RASA1: variants seen among roughly 807,000 people sequenced by gnomAD.
RASA1 encodes RAS p21 protein activator 1, also known as ras GTPase-activating protein 1.
Under a neutral mutation model 132.2 loss-of-function variants are expected in RASA1, and 25 were observed. That is an observed-to-expected ratio of 0.19 (90% confidence interval 0.14 to 0.26). The LOEUF is 0.26. Among genes scored for constraint, RASA1 ranks in the 10% least tolerant of loss-of-function variants. The pLI is 1.00. For synonymous variants in RASA1, 477 were observed against 449.9 expected, an observed-to-expected ratio of 1.06 and a Z score of -0.76; for missense variants, 964 against 1,299.2, an observed-to-expected ratio of 0.74 and a Z score of 3.97.
rs148390516 is a variant in RASA1, at chr5:87,369,343, AGAT to A, written c.1611-465_1611-463del. On this transcript the variant is annotated intron_variant, in intron 11 of 24. Coordinates refer to ENST00000274376, the MANE Select transcript of RASA1 (RefSeq NM_002890.3). ...CTCTAGAACAAGCATATGTATGAAG[AGAT>A]GATGTTTCCATTTTAACAGGTGAAG... Among the ~76,000 whole-genome samples the A allele has an allele frequency of 1.2e-3, 190 of 152,322 alleles. 1 individual carries two copies. The highest frequency in any genetic ancestry group is 4.3e-3 in the African/African-American group (180 of 41,580).
Position 87,268,568 on chromosome 5 carries a change from C to T in RASA1, c.117C>T (p.Pro39=). 6.2e-7 allele frequency: 1 copy of T among 1,607,302 alleles called. No homozygotes were observed. The highest frequency in any genetic ancestry group is 8.5e-7 in the Non-Finnish European group (1 of 1,177,922). Residue 39 remains proline, a synonymous_variant, in exon 1 of 25, where the codon CCC becomes CCT. Transcript: ENST00000274376. ...CCGCAGTGTGTCGGGTGAAGATACC[C>T]GCGGCCCTGCCTGTGGCAGCCGCCC... ...AYPAVCRVKI[P]AALPVAAAPY... is the part of the protein sequence containing the mutation.
At chr5:87,338,338 G>A (rs546574351) in intron 5 of RASA1, among the ~76,000 whole-genome samples, 1 of 150,556 alleles carries the variant, frequency 6.6e-6, no homozygotes. Flanking sequence ...ATTAACATTT[G>A]TGTTTTCTTT....
rs763203367 is a variant in RASA1, at chr5:87,379,718, T to C, written c.2488-17T>C. ...CATTGCCAACATGCATTTATATTGA[T>C]TTATTCCTTCTTTTAGTTAAGTCCA... On this transcript the variant is annotated splice_polypyrimidine_tract_variant and intron_variant, in intron 18 of 24. Transcript: ENST00000274376. The C allele has an allele frequency of 1.2e-6, 2 of 1,610,648 alleles. No homozygotes were observed. Among genetic ancestry groups the C allele is most frequent in the East Asian group, 4.5e-5 (2 of 44,586 alleles).
At chr5:87,350,639 A>G (rs1158155376) in intron 8 of RASA1, among the ~76,000 whole-genome samples, 1 of 151,662 alleles carries the variant, frequency 6.6e-6, no homozygotes, top group Non-Finnish European at 1.5e-5. Context: ...GCTGAACACC[A>G]TGATGGAACA....
chr5:87,346,938 C>T (rs895517685), intron 7 of RASA1, among the ~76,000 whole-genome samples: 8 of 151,942 alleles, frequency 5.3e-5, no homozygotes, highest in Non-Finnish European at 1.0e-4. Flanking sequence ...TTACCCCAGG[C>T]CCCTGTCCAC....
At position 87,285,545 on chromosome 5, in the gene RASA1, T is replaced by C. The variant is rs142697302; in HGVS notation, c.539+16555T>C. ...ATTGTAGTGTAGATATGTGGAATTG[T>C]AATGCAATTCTCTTCTTAACTTTTT... On this transcript the variant is annotated intron_variant, in intron 1 of 24. Transcript: ENST00000274376. 5.6e-3 allele frequency among the ~76,000 whole-genome samples: 851 copies of C among 151,770 alleles called. 10 individuals are homozygous for C. The highest frequency in any genetic ancestry group is 0.019 in the African/African-American group (801 of 41,364).
chr5:87,332,608 G>A lies in RASA1; in HGVS notation c.794G>A (p.Gly265Glu), dbSNP rs1757680581. The change falls in exon 3 of 25, where the codon GGA (glycine) becomes GAA (glutamate). Residue 265 changes from glycine to glutamate, a missense_variant. By Grantham distance (98) the Gly-to-Glu change is moderately conservative (BLOSUM62 -2). Transcript: ENST00000274376. ...AGTCATGTTTCTTGTTTGCTTAAAG[G>A]AGAAAAATTACTTTACCCAGTTGCA... ...YYSHVSCLLKGEKLLYPVAPP... is the reference protein window; with the variant it reads ...YYSHVSCLLKEEKLLYPVAPP... The A allele has an allele frequency of 6.2e-7, 1 of 1,610,944 alleles. No homozygotes were observed. The highest frequency in any genetic ancestry group is 8.5e-7 in the Non-Finnish European group (1 of 1,177,896).
intron 4 of RASA1, among the ~76,000 whole-genome samples, chr5:87,334,946 C>T (rs897764974): frequency 2.8e-4 from 43 of 152,110 alleles, no homozygotes; most frequent in African/African-American, 9.6e-4. Context: ...TGCAGTGGCA[C>T]GATCTTGCCT....
At chr5:87,275,131 T>A (rs1284651168) in intron 1 of RASA1, among the ~76,000 whole-genome samples, 1 of 152,240 alleles carries the variant, frequency 6.6e-6, no homozygotes, top group Non-Finnish European at 1.5e-5. Context: ...TCTCTCTCTT[T>A]ACTGGCCATT....
intron 9 of RASA1, among the ~76,000 whole-genome samples, chr5:87,358,839 G>A (rs935991767): frequency 1.3e-5 from 2 of 152,064 alleles, no homozygotes; most frequent in African/African-American, 2.4e-5. Flanking sequence ...CCTTCCTTAG[G>A]ATCTTTGCTG....
At chr5:87,388,486 A>G (rs750586673) in intron 23 of RASA1, among the ~76,000 whole-genome samples, 2 of 152,182 alleles carry the variant, frequency 1.3e-5, no homozygotes, top group Non-Finnish European at 1.5e-5. Context: ...GAAAATCTCC[A>G]ATTTTGGATT....
At chr5:87,388,397 A>G (rs1458973877) in intron 23 of RASA1, among the ~76,000 whole-genome samples, 1 of 152,222 alleles carries the variant, frequency 6.6e-6, no homozygotes, top group East Asian at 1.9e-4. Flanking sequence ...AATAAAGTAC[A>G]GGTTGAGTAT....
chr5:87,382,548 A>G (rs16902635), intron 20 of RASA1, among the ~76,000 whole-genome samples: 5,145 of 152,228 alleles, frequency 0.034, 181 homozygotes, highest in African/African-American at 0.081. Flanking sequence ...GAGGTTAATT[A>G]TTAGTGTGGA....
At position 87,267,906 on chromosome 5, in the gene RASA1, G is replaced by C. The variant is rs761498899; in HGVS notation, c.-546G>C. 1 of 392,382 alleles carries C rather than the reference G, an allele frequency of 2.5e-6. No homozygotes were observed. Among genetic ancestry groups the C allele is most frequent in the Non-Finnish European group, 4.5e-6 (1 of 223,150 alleles). 24.3% of individuals were successfully genotyped at this position (392,382 alleles called of 1,614,324 possible). A position where few individuals can be genotyped will look rare whatever the true frequency, so the allele number is the denominator to read the frequency against. On this transcript the variant is annotated 5_prime_UTR_variant, in exon 1 of 25. Transcript: ENST00000274376. ...TCACTCACTGAGAGCTCCAGGTAGT[G>C]AGCAGTTCAGTCGATTTCCTCGTTA...
At chr5:87,358,879 C>T (rs1407865766) in intron 9 of RASA1, among the ~76,000 whole-genome samples, 1 of 152,152 alleles carries the variant, frequency 6.6e-6, no homozygotes, top group African/African-American at 2.4e-5. Flanking sequence ...AAATTGTTTT[C>T]TCTTGGATAT....
intron 1 of RASA1, among the ~76,000 whole-genome samples, chr5:87,323,486 T>C (rs1756982834): frequency 6.6e-6 from 1 of 152,204 alleles, no homozygotes; most frequent in Non-Finnish European, 1.5e-5. Context: ...AAAGGACAGA[T>C]CTGAGAATAT....
intron 4 of RASA1, among the ~76,000 whole-genome samples, chr5:87,337,107 C>T (rs1254030056): frequency 6.6e-6 from 1 of 151,942 alleles, no homozygotes; most frequent in Non-Finnish European, 1.5e-5. Context: ...GTTATAGATA[C>T]AGGGTTAATG....
chr5:87,269,142 T>G, intron 1 of RASA1, 152 bp downstream of exon 1: 1 of 1,613,182 alleles, frequency 6.2e-7, no homozygotes, highest in Non-Finnish European at 8.5e-7. Flanking sequence ...TTTAATCTGA[T>G]CACTTATCTT....
intron 1 of RASA1, among the ~76,000 whole-genome samples, chr5:87,280,118 G>A (rs999172361): frequency 2.0e-5 from 3 of 152,120 alleles, no homozygotes; most frequent in Non-Finnish European, 2.9e-5. Context: ...TCTGGCAGCC[G>A]ACTGCATTGG....
Sources: allele counts gnomAD v4.1 joint callset (sites outside exome capture counted in the v4.1 genomes callset), GRCh38; gene constraint gnomAD v4.1.1; transcripts MANE v1.5; gene names NCBI Gene and HGNC (gene_info 2026-07-23, HGNC 2026-07-21).